PRDM16: variants seen among roughly 807,000 people sequenced by gnomAD.
PRDM16 encodes histone-lysine N-methyltransferase PRDM16.
Under a neutral mutation model 110.6 loss-of-function variants are expected in PRDM16, and 23 were observed. The ratio of observed to expected loss-of-function variants is 0.21; its 90% confidence interval spans 0.15 to 0.29. The LOEUF (loss-of-function observed/expected upper bound fraction) is 0.29, where lower values mean the gene tolerates loss of function less well. PRDM16 is among the 10% of genes least tolerant of loss of function. The pLI is 1.00. For synonymous variants in PRDM16, 799 were observed against 781.8 expected (o/e 1.02, Z -0.37); for missense variants, 1,615 against 1,794.3 (o/e 0.90, Z 1.81).
chr1:3,089,172 C>A (rs1350042531), intron 1 of PRDM16, among the ~76,000 whole-genome samples: 1 of 152,226 alleles, frequency 6.6e-6, no homozygotes, highest in Non-Finnish European at 1.5e-5. Flanking sequence ...AGGCCTGGGC[C>A]CCTCCGACTC....
rs368345730 is a variant in PRDM16 at position 3,099,491 on chromosome 1, G to A, written c.37+30195G>A. Among the ~76,000 whole-genome samples, 27 of 152,376 alleles carry A rather than the reference G, an allele frequency of 1.8e-4. No homozygotes were observed. The South Asian group carries it at 4.8e-3, about 27-fold the overall frequency. ...AAATGACTAGCTGAGCATTAAACAA[G>A]GCCGGTGGGGGGCAAGGGTCCTGGC... On this transcript the variant is annotated intron_variant, in intron 1 of 16. Coordinates refer to ENST00000270722, the MANE Select transcript of PRDM16 (RefSeq NM_022114.4).
intron 3 of PRDM16, among the ~76,000 whole-genome samples, chr1:3,286,287 GTGTT>G (rs1187781803): frequency 6.6e-6 from 1 of 152,230 alleles, no homozygotes; most frequent in Non-Finnish European, 1.5e-5. Flanking sequence ...AAAGTGGTCA[GTGTT>G]TGCGGACCAA....
At chr1:3,376,372 G>A (rs1355307716) in intron 3 of PRDM16, among the ~76,000 whole-genome samples, 1 of 152,204 alleles carries the variant, frequency 6.6e-6, no homozygotes, top group Non-Finnish European at 1.5e-5. Context: ...TGGACTCCAC[G>A]TGTCCCGGGC....
At chr1:3,155,468 CT>C (rs1037437906) in intron 1 of PRDM16, among the ~76,000 whole-genome samples, 3 of 152,228 alleles carry the variant, frequency 2.0e-5, no homozygotes, top group African/African-American at 7.2e-5. Context: ...GTGGTGTTCT[CT>C]GAGGGAGCAG....
Position 3,290,855 on chromosome 1 carries a change from C to G in PRDM16, c.438+46718C>G, listed in dbSNP as rs1371312521. ...AATGCCGCTCTGTTTGGGAAGGGCC[C>G]GGAGCACTGGGGGCCCGAGGTATCT... On this transcript the variant is annotated intron_variant, in intron 3 of 16. Coordinates refer to ENST00000270722, the MANE Select transcript of PRDM16 (RefSeq NM_022114.4). The surrounding 1 kb of genome is among the most constrained non-coding windows in gnomAD (Gnocchi z 4.8). Among the ~76,000 whole-genome samples the G allele has an allele frequency of 6.6e-6, 1 of 151,874 alleles. No homozygotes were observed. Among genetic ancestry groups the G allele is most frequent in the Middle Eastern group, 3.4e-3 (1 of 294 alleles).
intron 2 of PRDM16, among the ~76,000 whole-genome samples, chr1:3,232,436 A>G (rs1365645095): frequency 6.6e-6 from 1 of 152,254 alleles, no homozygotes; most frequent in African/African-American, 2.4e-5. Flanking sequence ...CACCTTTGGC[A>G]GAGCTAGCAT....
At chr1:3,293,736 C>T (rs1557587143) in intron 3 of PRDM16, among the ~76,000 whole-genome samples, 1 of 152,168 alleles carries the variant, frequency 6.6e-6, no homozygotes, top group Non-Finnish European at 1.5e-5. Context: ...TCCAGCACGG[C>T]TGTTTGTGCA....
chr1:3,194,453 G>C (rs1169214286), intron 2 of PRDM16, among the ~76,000 whole-genome samples: 4 of 152,176 alleles, frequency 2.6e-5, no homozygotes, highest in Non-Finnish European at 5.9e-5. Context: ...TTCCAACAGA[G>C]GGGAAGGGGT....
At chr1:3,161,642 C>T (rs1038471001) in intron 1 of PRDM16, among the ~76,000 whole-genome samples, 4 of 152,352 alleles carry the variant, frequency 2.6e-5, no homozygotes, top group East Asian at 1.9e-4. Flanking sequence ...GTCCCCTGCC[C>T]GCCCGGCGCG....
At chr1:3,181,015 CAA>C (rs1243185815) in intron 1 of PRDM16, among the ~76,000 whole-genome samples, 29 of 146,074 alleles carry the variant, frequency 2.0e-4, no homozygotes, top group Non-Finnish European at 2.0e-4. Context: ...CGCGGTCTTA[CAA>C]ATGCGGTCTT....
chr1:3,351,262 G>A (rs77270279), intron 3 of PRDM16, among the ~76,000 whole-genome samples: 28,094 of 152,044 alleles, frequency 0.18, 3,084 homozygotes, highest in East Asian at 0.4. Flanking sequence ...GGTCCCTCCA[G>A]GTGGAAAAGA....
chr1:3,338,083 G>C (rs187576532), intron 3 of PRDM16, among the ~76,000 whole-genome samples: 1 of 152,156 alleles, frequency 6.6e-6, no homozygotes, highest in East Asian at 1.9e-4. Context: ...ATGCACACAC[G>C]TGTGCACACA....
chr1:3,261,773 C>T (rs745573343), intron 3 of PRDM16, among the ~76,000 whole-genome samples: 6 of 152,184 alleles, frequency 3.9e-5, no homozygotes, highest in Admixed American at 1.3e-4. Flanking sequence ...CAGCCTGCCC[C>T]GCCCTCCGTC....
intron 12 of PRDM16, among the ~76,000 whole-genome samples, chr1:3,423,750 C>T (rs945145228): frequency 6.6e-6 from 1 of 152,242 alleles, no homozygotes; most frequent in Non-Finnish European, 1.5e-5. Context: ...CACAGAGGCT[C>T]CCACAGAGGC....
At chr1:3,392,389 G>T (rs976226878) in intron 4 of PRDM16, among the ~76,000 whole-genome samples, 10 of 152,168 alleles carry the variant, frequency 6.6e-5, no homozygotes, top group African/African-American at 2.4e-4. Flanking sequence ...AAGCCCAAAA[G>T]TTCGCTTGAT....
rs1345009655 is a variant in PRDM16, at chr1:3,201,063, G to A, written c.387+14589G>A. 2.0e-5 allele frequency among the ~76,000 whole-genome samples: 3 copies of A among 152,120 alleles called. No homozygotes were observed. Among genetic ancestry groups the A allele is most frequent in the Admixed American group, 1.3e-4 (2 of 15,284 alleles). ...AACCCTTAGCCGGAGTGGGGACTCC[G>A]GGGAAGGCCAGCTGCCCAAATGACT... On this transcript the variant is annotated intron_variant, in intron 2 of 16. Transcript: ENST00000270722. This position sits in a 1 kb window ranked among gnomAD's most constrained non-coding sequence, Gnocchi z 4.1.
intron 1 of PRDM16, among the ~76,000 whole-genome samples, chr1:3,116,169 C>T (rs545993839): frequency 9.9e-5 from 15 of 152,242 alleles, no homozygotes; most frequent in Admixed American, 8.5e-4. Context: ...CACTGGTGGC[C>T]GTTGAATTGT....
chr1:3,405,461 G>T (rs764350754), intron 7 of PRDM16, 34 bp from the exon 8 acceptor site: 8 of 1,519,902 alleles, frequency 5.3e-6, no homozygotes, highest in Non-Finnish European at 7.1e-6. Context: ...GGGTGTCCAG[G>T]CAGGGCACGC....
chr1:3,101,377 C>T (rs982394934), intron 1 of PRDM16, among the ~76,000 whole-genome samples: 6 of 152,324 alleles, frequency 3.9e-5, no homozygotes, highest in African/African-American at 1.2e-4. Flanking sequence ...TAAATCTTCG[C>T]GCTGTCACTC....
Sources: gnomAD v4.1 joint callset for allele counts (sites outside exome capture counted in the v4.1 genomes callset) on GRCh38, gnomAD v4.1.1 for gene constraint, Gnocchi (gnomAD v3.1) non-coding constraint, MANE v1.5 for transcripts, NCBI Gene and HGNC (gene_info 2026-07-23, HGNC 2026-07-21) for gene names.